Variants in NOC3L observed in about 807,000 individuals in gnomAD.
The protein encoded by NOC3L is NOC3 like DNA replication regulator.
In NOC3L, 85 loss-of-function variants were observed where a neutral mutation model predicts 102.5. The observed-to-expected ratio is 0.83, with a 90% CI of 0.70 to 0.99. The LOEUF (loss-of-function observed/expected upper bound fraction) is 0.99. Ranked by LOEUF, NOC3L falls within the 50% of genes least tolerant of loss-of-function variation. The pLI is 0.00. For missense variants in NOC3L, 878 were observed against 914.9 expected (o/e 0.96, Z 0.52); for synonymous variants, 303 against 309.4 (o/e 0.98, Z 0.22).
In NOC3L at chr10:94,357,335, C is replaced by T; in HGVS notation, c.351-4G>A. 1 of 1,563,242 alleles carries T rather than the reference C, an allele frequency of 6.4e-7. No homozygotes were observed. Among genetic ancestry groups the T allele is most frequent in the Non-Finnish European group, 8.6e-7 (1 of 1,157,784 alleles). On this transcript the variant is annotated splice_polypyrimidine_tract_variant and splice_region_variant and intron_variant, in intron 3 of 20. Coordinates refer to ENST00000371361, the MANE Select transcript of NOC3L (RefSeq NM_022451.11). ...TTTCTTCGCATGAACAGGCTCACTG[C>T]AGGGGAAAAAAAGATCAATTTTCAG... is the stretch of plus-strand genomic sequence containing the variant.
intron 9 of NOC3L, 93 bp downstream of exon 9, chr10:94,350,020 A>T: frequency 8.3e-7 from 1 of 1,205,618 alleles, no homozygotes; most frequent in Non-Finnish European, 1.2e-6. Context: ...GGCCTCCCAA[A>T]GTGCTGGGAT....
the NOC3L span, chr10:94,316,879 A>C: frequency 1.4e-6 from 1 of 734,068 alleles, no homozygotes; most frequent in African/African-American, 1.7e-5. Context: ...ATTCTTCTTA[A>C]GTAAATGTGG....
chr10:94,324,353 T>C, the NOC3L span: 1 of 1,613,476 alleles, frequency 6.2e-7, no homozygotes, highest in Non-Finnish European at 8.5e-7. Context: ...TTTCAGACCT[T>C]ATGCAAAGCC....
chr10:94,349,382 A>C lies in NOC3L; in HGVS notation c.1129-4T>G, dbSNP rs2054387221. On this transcript the variant is annotated splice_polypyrimidine_tract_variant and splice_region_variant and intron_variant, in intron 9 of 20. Coordinates refer to ENST00000371361, the MANE Select transcript of NOC3L (RefSeq NM_022451.11). ...CTTCACAACACATTTCAGATATCTGAAAAATAAAATGTCATACTTAACCAG... is the reference window on the plus strand; with the variant it reads ...CTTCACAACACATTTCAGATATCTGCAAAATAAAATGTCATACTTAACCAG... The C allele has an allele frequency of 6.4e-7, 1 of 1,572,472 alleles. No individual in the cohort carries two copies. Among genetic ancestry groups the C allele is most frequent in the East Asian group, 2.3e-5 (1 of 44,392 alleles).
chr10:94,323,986 G>A, the NOC3L span, among the ~76,000 whole-genome samples: 1 of 152,306 alleles, frequency 6.6e-6, no homozygotes, highest in East Asian at 1.9e-4. Context: ...TTCCTCACTG[G>A]CTGACTTTCA....
intron 8 of NOC3L, 112 bp downstream of exon 8, chr10:94,352,198 T>A: frequency 1.6e-6 from 1 of 629,888 alleles, no homozygotes; most frequent in Non-Finnish European, 2.6e-6. Flanking sequence ...GACTCTAGAT[T>A]CTGTTCCTGA....
intron 8 of NOC3L, 54 bp downstream of exon 8, chr10:94,352,256 C>T (rs2054427990): frequency 8.2e-7 from 1 of 1,213,158 alleles, no homozygotes; most frequent in African/African-American, 1.5e-5. Flanking sequence ...ACAGAATTCA[C>T]CTTCATGATC....
intron 14 of NOC3L, 37 bp from the exon 15 acceptor site, chr10:94,340,533 T>C: frequency 2.0e-6 from 2 of 992,548 alleles, no homozygotes; most frequent in African/African-American, 1.7e-5. Context: ...GGGGATGGAA[T>C]ATTAAGAATG....
the NOC3L span, chr10:94,315,190 C>A: frequency 6.1e-6 from 2 of 326,344 alleles, no homozygotes; most frequent in South Asian, 2.7e-5. Context: ...CATTTATAGA[C>A]CAAGGGCTGG....
chr10:94,334,143 A>C lies in NOC3L; in HGVS notation c.*34T>G. ...TCTTTATGTACATCTGCACACACAAATATACAAGAAAGTCCACTGACTTCA... is the reference window on the plus strand; with the variant it reads ...TCTTTATGTACATCTGCACACACAACTATACAAGAAAGTCCACTGACTTCA... On this transcript the variant is annotated 3_prime_UTR_variant, in exon 21 of 21. Coordinates refer to ENST00000371361, the MANE Select transcript of NOC3L (RefSeq NM_022451.11). 1.0e-6 allele frequency: 1 copy of C among 962,192 alleles called. No homozygotes were observed. The highest frequency in any genetic ancestry group is 1.7e-6 in the Non-Finnish European group (1 of 602,728). 59.6% of individuals were successfully genotyped at this position (962,192 alleles called of 1,614,324 possible).
intron 19 of NOC3L, among the ~76,000 whole-genome samples, chr10:94,336,531 A>G (rs1218248665): frequency 6.6e-6 from 1 of 151,666 alleles, no homozygotes; most frequent in Non-Finnish European, 1.5e-5. Context: ...TATTTTTAGT[A>G]GAGATGGGGT....
chr10:94,352,800 C>T (rs1291191173), intron 7 of NOC3L, 96 bp downstream of exon 7: 10 of 1,050,220 alleles, frequency 9.5e-6, no homozygotes, highest in African/African-American at 1.6e-5. Context: ...CTAGTCTGGG[C>T]GACAGAGTAA....
At chr10:94,316,381 C>T in the NOC3L span, among the ~76,000 whole-genome samples, 5 of 152,134 alleles carry the variant, frequency 3.3e-5, no homozygotes, top group Admixed American at 6.6e-5. Flanking sequence ...CATAAACAAT[C>T]CATTCTGAAC....
chr10:94,336,345 T>A lies in NOC3L; in HGVS notation c.2189+1432A>T, dbSNP rs145010809. On this transcript the variant is annotated intron_variant, in intron 19 of 20. Transcript: ENST00000371361. ...CCCAGCCTCCAGAATTCTGAGAAAATAAATTTCTGTTTTTTTTTTTTCAGA... is the reference window on the plus strand; with the variant it reads ...CCCAGCCTCCAGAATTCTGAGAAAAAAAATTTCTGTTTTTTTTTTTTCAGA... 4.1e-4 allele frequency among the ~76,000 whole-genome samples: 61 copies of A among 150,436 alleles called. No homozygotes were observed. The East Asian group carries it at 0.011, about 27-fold the overall frequency.
At position 94,356,595 on chromosome 10, in the gene NOC3L, T is replaced by C. The variant is rs371427428; in HGVS notation, c.509-4A>G. The C allele has an allele frequency of 2.0e-6, 3 of 1,523,682 alleles. No homozygotes were observed. The highest frequency in any genetic ancestry group is 1.4e-5 in the African/African-American group (1 of 73,374). The allele number at this position is 1,523,682 out of a possible 1,614,324, so 94.4% of individuals were successfully genotyped here. A position where few individuals can be genotyped will look rare whatever the true frequency, so the allele number is the denominator to read the frequency against. ...TCATCTTTGTTACTATCAGTAACTA[T>C]ATGGAAAACATATGTATTAAAACTG... is the stretch of plus-strand genomic sequence containing the variant. On this transcript the variant is annotated splice_region_variant and splice_polypyrimidine_tract_variant and intron_variant, in intron 4 of 20. Transcript: ENST00000371361.
rs748820723 is a variant in NOC3L, at chr10:94,344,506, T to C, written c.1480A>G (p.Thr494Ala). 1 of 1,611,758 alleles carries C rather than the reference T, an allele frequency of 6.2e-7. No homozygotes were observed. Among genetic ancestry groups the C allele is most frequent in the Admixed American group, 1.7e-5 (1 of 59,964 alleles). Reference protein sequence around the residue: ...TEKKLKLHTETLNIVFVTYFR... With the variant: ...TEKKLKLHTEALNIVFVTYFR... ...TAGGTTACAAACACAATATTCAGAG[T>C]CTCTGTGTGCTGGCAGAGGAGACAG... Residue 494 changes from threonine (T) to alanine (A), a missense_variant, in exon 13 of 21, where the codon ACT (threonine) becomes GCT (alanine). Physicochemically the swap from Thr to Ala is moderately conservative, Grantham distance 58 (BLOSUM62 0). Transcript: ENST00000371361.
chr10:94,340,731 C>G (rs192912042), intron 14 of NOC3L, among the ~76,000 whole-genome samples: 2 of 151,930 alleles, frequency 1.3e-5, no homozygotes, highest in African/African-American at 4.8e-5. Flanking sequence ...CCTGCAATCC[C>G]AGCACTTCAG....
rs77628582 is a variant in NOC3L at position 94,352,025 on chromosome 10, C to T, written c.952+285G>A. On this transcript the variant is annotated intron_variant, in intron 8 of 20. Transcript: ENST00000371361. Reference sequence around the variant, plus strand: ...ACATGCTAGGCACTGTTTAAAGCACCTCATATCTACAAACTCAGTTACTTC... The same window carrying T: ...ACATGCTAGGCACTGTTTAAAGCACTTCATATCTACAAACTCAGTTACTTC... 2.4e-3 allele frequency among the ~76,000 whole-genome samples: 359 copies of T among 152,218 alleles called. 3 individuals carry two copies. Among genetic ancestry groups the T allele is most frequent in the African/African-American group, 8.3e-3 (345 of 41,526 alleles).
chr10:94,320,166 G>A, the NOC3L span, among the ~76,000 whole-genome samples: 13 of 152,076 alleles, frequency 8.5e-5, no homozygotes, highest in Non-Finnish European at 1.6e-4. Context: ...ATGATGATCA[G>A]TGCAATGACA....
Sources: allele counts gnomAD v4.1 joint callset (sites outside exome capture counted in the v4.1 genomes callset), GRCh38; gene constraint gnomAD v4.1.1; transcripts MANE v1.5; gene names NCBI Gene and HGNC (gene_info 2026-07-23, HGNC 2026-07-21).